KCNK9: variants seen among roughly 807,000 people sequenced by gnomAD.
KCNK9 encodes potassium two pore domain channel subfamily K member 9, also known as potassium channel subfamily K member 9.
A neutral mutation model predicts 10.8 loss-of-function variants in KCNK9; 1 was observed. The observed-to-expected ratio is 0.09, with a 90% CI of 0.03 to 0.44. The LOEUF (loss-of-function observed/expected upper bound fraction) is 0.44. KCNK9 is among the 20% of genes least tolerant of loss of function. KCNK9 has a pLI of 0.97. For synonymous variants in KCNK9, 231 were observed against 222.7 expected, an observed-to-expected ratio of 1.04 and a Z score of -0.33; for missense variants, 303 against 515.0, an observed-to-expected ratio of 0.59 and a Z score of 3.98.
At chr8:139,680,648 G>A (rs1026494912) in intron 1 of KCNK9, among the ~76,000 whole-genome samples, 5 of 152,176 alleles carry the variant, frequency 3.3e-5, no homozygotes, top group East Asian at 1.9e-4. Flanking sequence ...CTTCCCCTGC[G>A]TGCTCCTAAT....
intron 1 of KCNK9, among the ~76,000 whole-genome samples, chr8:139,687,254 A>G (rs1327887308): frequency 6.6e-6 from 1 of 151,498 alleles, no homozygotes; most frequent in Non-Finnish European, 1.5e-5. Context: ...ACATGGGGCT[A>G]AGGGGCTGGA....
intron 1 of KCNK9, among the ~76,000 whole-genome samples, chr8:139,669,985 A>G (rs1425838301): frequency 6.6e-6 from 1 of 152,212 alleles, no homozygotes; most frequent in Non-Finnish European, 1.5e-5. Flanking sequence ...TGACAGGTGC[A>G]TTGTCAATGA....
At chr8:139,607,512 A>C (rs920180478) in intron 2 of KCNK9, among the ~76,000 whole-genome samples, 5 of 152,140 alleles carry the variant, frequency 3.3e-5, no homozygotes, top group Admixed American at 1.3e-4. Context: ...GAGAAGTGGA[A>C]TTTGGTTCCC....
chr8:139,647,541 G>A (rs531677813), intron 1 of KCNK9, among the ~76,000 whole-genome samples: 70 of 152,268 alleles, frequency 4.6e-4, no homozygotes, highest in African/African-American at 1.6e-3. Context: ...CCCCTGCAGC[G>A]ACCCCTGTGG....
At position 139,659,199 on chromosome 8, in the gene KCNK9, C is replaced by T. The variant is rs77304573; in HGVS notation, c.284-40100G>A. ...TACGACCCTGACTCTTGGCCGCTGT[C>T]AGGGACTTGCTAAAGGTCCCTCACT... On this transcript the variant is annotated intron_variant, in intron 1 of 1. Transcript: ENST00000520439. 7.4e-3 allele frequency among the ~76,000 whole-genome samples: 1,134 copies of T among 152,328 alleles called. 13 individuals carry two copies. Among genetic ancestry groups the T allele is most frequent in the African/African-American group, 0.026 (1,080 of 41,566 alleles).
At position 139,649,433 on chromosome 8, in the gene KCNK9, G is replaced by A. The variant is rs143400062; in HGVS notation, c.284-30334C>T. On this transcript the variant is annotated intron_variant, in intron 1 of 1. Transcript: ENST00000520439. ...AGGACTTAGCAAAATCAGAATCATC[G>A]GGTTGGGTTAAAGTCACTCCAAGAT... Among the ~76,000 whole-genome samples the A allele has an allele frequency of 2.4e-4, 36 of 152,248 alleles. No homozygotes were observed. In the South Asian group the frequency reaches 2.9e-3, roughly 12 times the overall value.
chr8:139,643,541 G>A (rs1031282565), intron 1 of KCNK9, among the ~76,000 whole-genome samples: 5 of 152,186 alleles, frequency 3.3e-5, no homozygotes, highest in African/African-American at 9.6e-5. Context: ...CCGTGCACAG[G>A]CCAAGGGGCG....
intron 1 of KCNK9, among the ~76,000 whole-genome samples, chr8:139,652,114 A>G (rs559177090): frequency 6.6e-6 from 1 of 152,172 alleles, no homozygotes; most frequent in Admixed American, 6.5e-5. Flanking sequence ...CTAAGTCTCA[A>G]ATGTCCTCCT....
At chr8:139,686,517 A>G (rs1816792547) in intron 1 of KCNK9, among the ~76,000 whole-genome samples, 1 of 152,214 alleles carries the variant, frequency 6.6e-6, no homozygotes, top group Non-Finnish European at 1.5e-5. Context: ...GAAAAAATGC[A>G]CATTAGCAAT....
intron 1 of KCNK9, among the ~76,000 whole-genome samples, chr8:139,634,654 C>T (rs1407095221): frequency 6.6e-6 from 1 of 152,196 alleles, no homozygotes; most frequent in African/African-American, 2.4e-5. Flanking sequence ...CCCAATTTGT[C>T]TCCAGGTCCC....
chr8:139,660,447 A>T (rs12681755), intron 1 of KCNK9, among the ~76,000 whole-genome samples: 2,459 of 128,784 alleles, frequency 0.019, 67 homozygotes, highest in African/African-American at 0.072. Context: ...CTGCTAAAAA[A>T]AAATATATAT....
chr8:139,605,128 C>A (rs1272508207), intron 2 of KCNK9, among the ~76,000 whole-genome samples: 2 of 152,232 alleles, frequency 1.3e-5, no homozygotes, highest in Non-Finnish European at 2.9e-5. Flanking sequence ...CACTGAGCAC[C>A]TGCTAACTGC....
intron 1 of KCNK9, among the ~76,000 whole-genome samples, chr8:139,666,093 A>G (rs1310177024): frequency 1.3e-5 from 2 of 152,312 alleles, no homozygotes; most frequent in East Asian, 3.9e-4. Context: ...GATCCCAGCT[A>G]CCTGGTCACC....
At chr8:139,622,913 C>A (rs1045490385) in intron 1 of KCNK9, among the ~76,000 whole-genome samples, 3 of 152,154 alleles carry the variant, frequency 2.0e-5, no homozygotes. Context: ...AATAACGGCA[C>A]ATGTGACATA....
chr8:139,610,296 GAACAA>G (rs1814380871), downstream of KCNK9, among the ~76,000 whole-genome samples: 1 of 152,162 alleles, frequency 6.6e-6, no homozygotes. Flanking sequence ...GGGGTGAGGG[GAACAA>G]GTGCCCACAA....
intron 1 of KCNK9, among the ~76,000 whole-genome samples, chr8:139,694,924 G>A (rs1817015984): frequency 6.6e-6 from 1 of 152,198 alleles, no homozygotes; most frequent in Admixed American, 6.5e-5. Context: ...TGGTTGGGCT[G>A]AGGCCAGCAA....
At position 139,702,693 on chromosome 8, in the gene KCNK9, G is replaced by A. The variant is rs776867660; in HGVS notation, c.283+17C>T. 1.3e-6 allele frequency: 2 copies of A among 1,597,188 alleles called. No homozygotes were observed. Among genetic ancestry groups the A allele is most frequent in the Non-Finnish European group, 8.5e-7 (1 of 1,175,562 alleles). Reference sequence around the variant, plus strand: ...CCTCCCGGGGCGCGGGAGCCCAGCGGCGCGCCCAGCCCTTACCTATGGTGG... The same window carrying A: ...CCTCCCGGGGCGCGGGAGCCCAGCGACGCGCCCAGCCCTTACCTATGGTGG... On this transcript the variant is annotated intron_variant, in intron 1 of 1. Coordinates refer to ENST00000520439, the MANE Select transcript of KCNK9 (RefSeq NM_001282534.2). This position sits in a 1 kb window ranked among gnomAD's most constrained non-coding sequence, Gnocchi z 7.5.
intron 1 of KCNK9, among the ~76,000 whole-genome samples, chr8:139,622,827 T>G (rs982685567): frequency 6.6e-5 from 10 of 152,168 alleles, no homozygotes; most frequent in African/African-American, 2.4e-4. Context: ...CCCAAATACC[T>G]GTACAGAACA....
At chr8:139,675,219 G>GC (rs1392161806) in intron 1 of KCNK9, among the ~76,000 whole-genome samples, 1 of 152,200 alleles carries the variant, frequency 6.6e-6, no homozygotes, top group African/African-American at 2.4e-5. Context: ...ACATGGGGCC[G>GC]CATGAAAAGG....
Sources: allele counts gnomAD v4.1 joint callset (sites outside exome capture counted in the v4.1 genomes callset), GRCh38; gene constraint gnomAD v4.1.1; non-coding constraint Gnocchi (gnomAD v3.1); transcripts MANE v1.5; gene names NCBI Gene and HGNC (gene_info 2026-07-23, HGNC 2026-07-21).